ROBO1: variants seen among roughly 807,000 people sequenced by gnomAD.
ROBO1 encodes roundabout homolog 1.
In ROBO1, 149 loss-of-function variants were observed where a neutral mutation model predicts 195.9. That is an observed-to-expected ratio of 0.76 (90% CI 0.67 to 0.87). ROBO1 has a LOEUF of 0.87. ROBO1 is among the 40% of genes least tolerant of loss of function. The pLI is 0.00. For missense variants in ROBO1, 1,933 were observed against 2,068.3 expected (o/e 0.93, Z 1.27); for synonymous variants, 816 against 733.2 (o/e 1.11, Z -1.82).
chr3:79,081,078 C>A (rs1254827766), intron 3 of ROBO1, among the ~76,000 whole-genome samples: 1 of 151,972 alleles, frequency 6.6e-6, no homozygotes, highest in Non-Finnish European at 1.5e-5. Context: ...TTATAGTGTG[C>A]CCAAACGCTT....
At chr3:79,373,200 C>T (rs774859524) in intron 2 of ROBO1, among the ~76,000 whole-genome samples, 1 of 152,112 alleles carries the variant, frequency 6.6e-6, no homozygotes, top group African/African-American at 2.4e-5. Context: ...TTTGTAACTA[C>T]CAAGAAGTAA....
At chr3:79,665,853 T>C (rs1946461545) in intron 1 of ROBO1, among the ~76,000 whole-genome samples, 1 of 151,916 alleles carries the variant, frequency 6.6e-6, no homozygotes, top group African/African-American at 2.4e-5. Flanking sequence ...TAAAAGACCT[T>C]AATTTCACAA....
intron 2 of ROBO1, among the ~76,000 whole-genome samples, chr3:79,295,126 C>T (rs939687561): frequency 6.6e-6 from 1 of 152,110 alleles, no homozygotes; most frequent in Non-Finnish European, 1.5e-5. Context: ...ATAAATCATT[C>T]TACTATAAAG....
chr3:79,335,566 C>T (rs1378505785), intron 2 of ROBO1, among the ~76,000 whole-genome samples: 1 of 152,172 alleles, frequency 6.6e-6, no homozygotes, highest in Non-Finnish European at 1.5e-5. Flanking sequence ...ATTTGCTTCC[C>T]CTTCTGCCAT....
chr3:79,280,874 G>A (rs2031453237), intron 2 of ROBO1, among the ~76,000 whole-genome samples: 1 of 152,154 alleles, frequency 6.6e-6, no homozygotes, highest in African/African-American at 2.4e-5. Context: ...AGATCTGACA[G>A]GAGGCGGAGC....
intron 2 of ROBO1, among the ~76,000 whole-genome samples, chr3:79,350,845 G>T (rs2035313864): frequency 6.6e-6 from 1 of 152,010 alleles, no homozygotes; most frequent in African/African-American, 2.4e-5. Flanking sequence ...AAGGGATGGG[G>T]TCTTGCTATG....
At chr3:79,344,059 A>T (rs2035013430) in intron 2 of ROBO1, among the ~76,000 whole-genome samples, 1 of 152,300 alleles carries the variant, frequency 6.6e-6, no homozygotes, top group African/African-American at 2.4e-5. Flanking sequence ...ATGACTGCTC[A>T]GAGGCTAATT....
At chr3:79,056,225 G>A (rs761732452) in intron 3 of ROBO1, among the ~76,000 whole-genome samples, 1 of 152,028 alleles carries the variant, frequency 6.6e-6, no homozygotes, top group Non-Finnish European at 1.5e-5. Flanking sequence ...TGCTATCAAT[G>A]GAAAGTACTT....
chr3:79,214,919 G>C (rs1468834957), intron 2 of ROBO1, among the ~76,000 whole-genome samples: 1 of 150,878 alleles, frequency 6.6e-6, no homozygotes, highest in Non-Finnish European at 1.5e-5. Flanking sequence ...TTTTGTTTGT[G>C]AATGCTGTAC....
chr3:78,650,337 T>G (rs902004661), intron 19 of ROBO1, among the ~76,000 whole-genome samples: 3 of 152,088 alleles, frequency 2.0e-5, no homozygotes, highest in African/African-American at 7.2e-5. Flanking sequence ...AGAGGACACA[T>G]ATCTGAAAAA....
intron 1 of ROBO1, among the ~76,000 whole-genome samples, chr3:79,742,474 G>T (rs181047137): frequency 1.3e-5 from 2 of 152,108 alleles, no homozygotes; most frequent in Admixed American, 1.3e-4. Flanking sequence ...TAAACTTGAG[G>T]ATGAACAGAC....
At position 79,678,090 on chromosome 3, in the gene ROBO1, G is replaced by C. The variant is rs181372164; in HGVS notation, c.-50-88129C>G. Among the ~76,000 whole-genome samples, 224 of 152,076 alleles carry C rather than the reference G, an allele frequency of 1.5e-3. 1 individual carries two copies. The highest frequency in any genetic ancestry group is 5.3e-3 in the African/African-American group (218 of 41,516). ...TTTCACAGAGGCAATATAATAGCAG[G>C]GTTCACAGAGAGAATATTCTAGAGA... On this transcript the variant is annotated intron_variant, in intron 1 of 30. Coordinates refer to ENST00000464233, the MANE Select transcript of ROBO1 (RefSeq NM_002941.4).
intron 2 of ROBO1, among the ~76,000 whole-genome samples, chr3:79,451,200 A>C (rs1050687269): frequency 2.0e-5 from 3 of 152,128 alleles, no homozygotes; most frequent in African/African-American, 4.8e-5. Flanking sequence ...AGGAATTTTC[A>C]TTAAAAGCAT....
chr3:79,253,234 C>T (rs1447647886), intron 2 of ROBO1, among the ~76,000 whole-genome samples: 2 of 152,060 alleles, frequency 1.3e-5, no homozygotes, highest in Non-Finnish European at 2.9e-5. Context: ...CAGCCAGAGT[C>T]AGAAAGATGT....
At chr3:79,722,450 C>T (rs1292325373) in intron 1 of ROBO1, among the ~76,000 whole-genome samples, 2 of 152,160 alleles carry the variant, frequency 1.3e-5, no homozygotes, top group Non-Finnish European at 2.9e-5. Flanking sequence ...GTGATTTCCT[C>T]CTGAGGTCCA....
chr3:78,785,384 C>T (rs1435543103), intron 4 of ROBO1, among the ~76,000 whole-genome samples: 1 of 152,164 alleles, frequency 6.6e-6, no homozygotes, highest in East Asian at 1.9e-4. Context: ...AGGCTCCTAG[C>T]TCTCAACTTA....
At chr3:78,826,682 T>C (rs1326874731) in intron 4 of ROBO1, among the ~76,000 whole-genome samples, 3 of 152,134 alleles carry the variant, frequency 2.0e-5, no homozygotes, top group African/African-American at 7.2e-5. Context: ...AAGAAGAAAG[T>C]AAAGGGATAG....
intron 3 of ROBO1, among the ~76,000 whole-genome samples, chr3:79,054,897 G>A (rs867093552): frequency 8.5e-5 from 13 of 152,238 alleles, no homozygotes; most frequent in South Asian, 2.1e-4. Flanking sequence ...CGGTCCCAAC[G>A]CAGCCTCCAG....
At position 79,702,062 on chromosome 3, in the gene ROBO1, T is replaced by C. The variant is rs534765544; in HGVS notation, c.-51+65690A>G. ...CATGGTAAGATGTACAACTGAGTTA[T>C]ATTGCACACAAATAAAACTAAATAT... On this transcript the variant is annotated intron_variant, in intron 1 of 30. Coordinates refer to ENST00000464233, the MANE Select transcript of ROBO1 (RefSeq NM_002941.4). Among the ~76,000 whole-genome samples the C allele has an allele frequency of 2.0e-3, 272 of 137,324 alleles. 2 individuals carry two copies. Among genetic ancestry groups the C allele is most frequent in the Non-Finnish European group, 3.5e-3 (227 of 64,398 alleles). The allele number at this position is 137,324 out of a possible 152,430, so 90.1% of individuals were successfully genotyped here.
Sources: gnomAD v4.1 joint callset for allele counts (sites outside exome capture counted in the v4.1 genomes callset) on GRCh38, gnomAD v4.1.1 for gene constraint, MANE v1.5 for transcripts, NCBI Gene and HGNC (gene_info 2026-07-23, HGNC 2026-07-21) for gene names.